The following TLN2 variants were observed in gnomAD, a reference collection of about 807,000 sequenced individuals.
TLN2 encodes talin-2.
TLN2 carries 118 observed loss-of-function variants against 294.7 expected under a neutral mutation model. The observed-to-expected ratio is 0.40, with a 90% CI of 0.34 to 0.47. The LOEUF (loss-of-function observed/expected upper bound fraction) is 0.47. Among genes scored for constraint, TLN2 ranks in the 20% least tolerant of loss-of-function variants. The pLI, the probability that TLN2 is intolerant of heterozygous loss-of-function variation, is 0.84. For missense variants in TLN2, 3,083 were observed against 3,282.2 expected (o/e 0.94, Z 1.48); for synonymous variants, 1,431 against 1,304.5 (o/e 1.10, Z -2.09).
chr15:62,557,758 C>G (rs2042689747), intron 1 of TLN2, among the ~76,000 whole-genome samples: 1 of 152,196 alleles, frequency 6.6e-6, no homozygotes, highest in Non-Finnish European at 1.5e-5. Context: ...CCAGGCTGGT[C>G]TCTAACTCCT....
intron 2 of TLN2, among the ~76,000 whole-genome samples, chr15:62,606,121 G>A (rs187222850): frequency 6.6e-6 from 1 of 151,984 alleles, no homozygotes; most frequent in Non-Finnish European, 1.5e-5. Flanking sequence ...TCACTCTGTC[G>A]CCCAGGCTGG....
intron 9 of TLN2, among the ~76,000 whole-genome samples, chr15:62,661,972 T>C (rs1435484286): frequency 1.3e-5 from 2 of 152,056 alleles, no homozygotes; most frequent in East Asian, 1.9e-4. Context: ...AAAGGAAAAA[T>C]AGACTGTATT....
At chr15:62,796,546 C>T (rs2141131096) in intron 47 of TLN2, among the ~76,000 whole-genome samples, 1 of 152,276 alleles carries the variant, frequency 6.6e-6, no homozygotes, top group Non-Finnish European at 1.5e-5. Context: ...AGATTTTAGA[C>T]CTGCCACACG....
intron 31 of TLN2, 132 bp downstream of exon 31, chr15:62,739,677 C>T: frequency 1.9e-6 from 2 of 1,080,926 alleles, no homozygotes; most frequent in South Asian, 3.3e-5. Flanking sequence ...ATTCTTTTTG[C>T]TGCTTAGGAA....
intron 1 of TLN2, among the ~76,000 whole-genome samples, chr15:62,408,789 C>T (rs1166231583): frequency 6.6e-6 from 1 of 151,864 alleles, no homozygotes; most frequent in Non-Finnish European, 1.5e-5. Context: ...ATTGTATGGT[C>T]CAAGAATTTG....
intron 1 of TLN2, among the ~76,000 whole-genome samples, chr15:62,503,975 C>T (rs980500723): frequency 3.3e-5 from 5 of 149,574 alleles, no homozygotes; most frequent in Non-Finnish European, 7.5e-5. Context: ...GGCGCCACAT[C>T]TGCCTGTTTT....
Position 62,767,403 on chromosome 15 carries a change from G to A in TLN2, c.5196+981G>A, listed in dbSNP as rs540989638. ...GTTGCCCAGGCTGGAGTGCAGTGGT[G>A]TGATCTCAGCTTACCACAACCTCCG... On this transcript the variant is annotated intron_variant, in intron 41 of 58. Coordinates refer to ENST00000636159, the MANE Select transcript of TLN2 (RefSeq NM_015059.3). Among the ~76,000 whole-genome samples, 27 of 151,602 alleles carry A rather than the reference G, an allele frequency of 1.8e-4. No homozygotes were observed. In the East Asian group the frequency reaches 4.8e-3, roughly 27 times the overall value.
At chr15:62,581,308 T>C (rs1445819239) in intron 1 of TLN2, among the ~76,000 whole-genome samples, 1 of 152,240 alleles carries the variant, frequency 6.6e-6, no homozygotes, top group African/African-American at 2.4e-5. Context: ...ATTTCCTCCA[T>C]GTCTTTTCAT....
chr15:62,769,284 A>AT (rs2063205526), intron 41 of TLN2, among the ~76,000 whole-genome samples: 1 of 152,246 alleles, frequency 6.6e-6, no homozygotes, highest in East Asian at 1.9e-4. Context: ...TGGTGGTGAC[A>AT]CCAGTGCCCT....
At chr15:62,816,315 G>A (rs1279687258) in intron 52 of TLN2, among the ~76,000 whole-genome samples, 5 of 152,222 alleles carry the variant, frequency 3.3e-5, no homozygotes, top group African/African-American at 4.8e-5. Flanking sequence ...ACAAAAAGCC[G>A]CTACTTTGCC....
chr15:62,673,795 A>G (rs2055792871), intron 9 of TLN2, 32 bp from the exon 10 acceptor site: 1 of 1,573,568 alleles, frequency 6.4e-7, no homozygotes. Flanking sequence ...AACATGATAA[A>G]TGCCTTTCCT....
intron 1 of TLN2, among the ~76,000 whole-genome samples, chr15:62,450,967 G>A (rs1005330939): frequency 2.7e-5 from 4 of 146,704 alleles, no homozygotes; most frequent in African/African-American, 5.2e-5. Flanking sequence ...GTTGCCTGGA[G>A]TTCTCTCTCT....
chr15:62,424,364 C>T (rs949824553), intron 1 of TLN2, among the ~76,000 whole-genome samples: 6 of 152,160 alleles, frequency 3.9e-5, no homozygotes, highest in African/African-American at 9.7e-5. Flanking sequence ...GAATGAGACG[C>T]GGAGTGGTGA....
rs2060479675 is a variant in TLN2, at chr15:62,727,073, G to A, written c.3256-14G>A. The A allele has an allele frequency of 6.2e-7, 1 of 1,613,294 alleles. No individual in the cohort carries two copies. Among genetic ancestry groups the A allele is most frequent in the Non-Finnish European group, 8.5e-7 (1 of 1,179,590 alleles). ...TTTCTTCTACGTTCTTTCCCTCCTT[G>A]AATATTCTTGTAGCTGGAAAAATGT... On this transcript the variant is annotated splice_polypyrimidine_tract_variant and intron_variant, in intron 27 of 58. Coordinates refer to ENST00000636159, the MANE Select transcript of TLN2 (RefSeq NM_015059.3).
At chr15:62,711,663 G>A (rs553194735) in intron 21 of TLN2, among the ~76,000 whole-genome samples, 2 of 152,320 alleles carry the variant, frequency 1.3e-5, no homozygotes, top group Admixed American at 1.3e-4. Flanking sequence ...GGCTGCTTCT[G>A]TTCTGATTAT....
intron 1 of TLN2, among the ~76,000 whole-genome samples, chr15:62,539,936 T>C (rs752211667): frequency 6.6e-6 from 1 of 151,844 alleles, no homozygotes; most frequent in African/African-American, 2.4e-5. Flanking sequence ...AATTTTGACT[T>C]AACTACTAAA....
intron 32 of TLN2, among the ~76,000 whole-genome samples, chr15:62,743,199 T>C (rs2061434332): frequency 6.6e-6 from 1 of 152,070 alleles, no homozygotes; most frequent in Non-Finnish European, 1.5e-5. Flanking sequence ...ATAGTCTCAG[T>C]CCTCAGTCCT....
At chr15:62,673,319 T>TTTTTTTTA (rs1259197936) in intron 9 of TLN2, among the ~76,000 whole-genome samples, 2 of 139,114 alleles carry the variant, frequency 1.4e-5, no homozygotes, top group Non-Finnish European at 3.1e-5. Context: ...GCTTTTTTTT[T>TTTTTTTTA]TTTTTTTTTG....
At chr15:62,633,204 C>T (rs2050075351) in intron 3 of TLN2, among the ~76,000 whole-genome samples, 1 of 152,198 alleles carries the variant, frequency 6.6e-6, no homozygotes, top group Non-Finnish European at 1.5e-5. Context: ...AGTCCTGCTC[C>T]TGTCACTTGC....
Sources: allele counts gnomAD v4.1 joint callset (sites outside exome capture counted in the v4.1 genomes callset), GRCh38; gene constraint gnomAD v4.1.1; transcripts MANE v1.5; gene names NCBI Gene and HGNC (gene_info 2026-07-23, HGNC 2026-07-21).